EPHA5: variants seen among roughly 807,000 people sequenced by gnomAD.
EPHA5 encodes EPH receptor A5.
In EPHA5, 60 loss-of-function variants were observed where a neutral mutation model predicts 105.0. The ratio of observed to expected loss-of-function variants is 0.57; its 90% CI spans 0.46 to 0.71. EPHA5 has a LOEUF of 0.71. EPHA5 is among the 30% of genes least tolerant of loss of function. The pLI, the probability that EPHA5 is intolerant of heterozygous loss-of-function variation, is 0.00. For synonymous variants in EPHA5, 513 were observed against 449.1 expected (o/e 1.14, Z -1.80); for missense variants, 1,218 against 1,274.7 (o/e 0.96, Z 0.68).
intron 16 of EPHA5, chr4:65,331,480 G>T (rs1308530888): frequency 1.7e-5 from 18 of 1,050,148 alleles, no homozygotes; most frequent in Non-Finnish European, 2.1e-5. Flanking sequence ...AATGTAAGGT[G>T]CACCATTTAG....
chr4:65,374,891 C>T (rs889027092), intron 8 of EPHA5, among the ~76,000 whole-genome samples: 5 of 151,654 alleles, frequency 3.3e-5, no homozygotes, highest in African/African-American at 7.3e-5. Context: ...AATTAGATGA[C>T]GGGATTTCAG....
At chr4:65,552,336 T>C (rs1738002331) in intron 3 of EPHA5, among the ~76,000 whole-genome samples, 1 of 152,236 alleles carries the variant, frequency 6.6e-6, no homozygotes, top group Non-Finnish European at 1.5e-5. Context: ...TTATCCGTTA[T>C]TACTGCTAAG....
intron 6 of EPHA5, 141 bp from the exon 7 acceptor site, chr4:65,414,584 C>G (rs1723216803): frequency 2.3e-6 from 2 of 888,040 alleles, no homozygotes; most frequent in Non-Finnish European, 3.4e-6. Flanking sequence ...GAAAAAAATC[C>G]TACACATCCT....
At chr4:65,460,062 A>G (rs1405862147) in intron 5 of EPHA5, among the ~76,000 whole-genome samples, 2 of 151,728 alleles carry the variant, frequency 1.3e-5, no homozygotes, top group African/African-American at 4.8e-5. Flanking sequence ...AAAATAATGC[A>G]TTCTTGACCT....
chr4:65,327,339 C>T (rs923731713), intron 16 of EPHA5, among the ~76,000 whole-genome samples: 2 of 151,074 alleles, frequency 1.3e-5, no homozygotes, highest in Non-Finnish European at 3.0e-5. Flanking sequence ...ATCTGATTAT[C>T]CCTTGAGATG....
At chr4:65,647,505 G>C (rs1426721261) in intron 1 of EPHA5, among the ~76,000 whole-genome samples, 1 of 151,958 alleles carries the variant, frequency 6.6e-6, no homozygotes, top group South Asian at 2.1e-4. Context: ...GTTCTGAACA[G>C]TATATATGCT....
At chr4:65,509,012 A>G (rs1733341145) in intron 3 of EPHA5, among the ~76,000 whole-genome samples, 1 of 152,152 alleles carries the variant, frequency 6.6e-6, no homozygotes, top group Non-Finnish European at 1.5e-5. Flanking sequence ...GTGCAAATCT[A>G]TAAAATATTC....
chr4:65,422,926 A>G (rs1724073899), intron 5 of EPHA5, among the ~76,000 whole-genome samples: 2 of 152,094 alleles, frequency 1.3e-5, no homozygotes, highest in East Asian at 1.9e-4. Flanking sequence ...ATTAACAAAT[A>G]CTGGTAGATT....
chr4:65,419,227 T>C (rs1364188474), intron 6 of EPHA5, among the ~76,000 whole-genome samples: 7 of 151,832 alleles, frequency 4.6e-5, no homozygotes, highest in Admixed American at 4.0e-4. Context: ...TATATATAGT[T>C]GCACTTTTAA....
chr4:65,482,028 T>G (rs1730412813), intron 5 of EPHA5, among the ~76,000 whole-genome samples: 1 of 152,198 alleles, frequency 6.6e-6, no homozygotes, highest in Admixed American at 6.5e-5. Flanking sequence ...CTGGATGCAG[T>G]GGCTCATGCC....
At chr4:65,661,580 A>G (rs1355991407) in intron 1 of EPHA5, among the ~76,000 whole-genome samples, 2 of 152,192 alleles carry the variant, frequency 1.3e-5, no homozygotes, top group Non-Finnish European at 2.9e-5. Flanking sequence ...GTGAGATGAC[A>G]GTGCATTGTC....
chr4:65,599,904 TAATCTCATCGAC>T lies in EPHA5; in HGVS notation c.910+1725_910+1736del, dbSNP rs1185349058. Among the ~76,000 whole-genome samples, 7 of 152,282 alleles carry T rather than the reference TAATCTCATCGAC, an allele frequency of 4.6e-5. No individual in the cohort carries two copies. The East Asian group carries it at 9.7e-4, about 21-fold the overall frequency. ...TGTGACTATCACCAGCAGAATGTTT[TAATCTCATCGAC>T]AATCAAAATGCATCCTCGAAACATG... On this transcript the variant is annotated intron_variant, in intron 3 of 16. Transcript: ENST00000613740.
chr4:65,601,254 T>C (rs1273487388), intron 3 of EPHA5, among the ~76,000 whole-genome samples: 5 of 152,180 alleles, frequency 3.3e-5, no homozygotes, highest in Admixed American at 3.3e-4. Flanking sequence ...TGCATTTAAA[T>C]TTTATACAGC....
chr4:65,386,922 CT>C (rs1381657319), intron 8 of EPHA5, among the ~76,000 whole-genome samples: 1 of 151,592 alleles, frequency 6.6e-6, no homozygotes, highest in Non-Finnish European at 1.5e-5. Context: ...GGGCAATTGA[CT>C]TAACTCTGCC....
In EPHA5 at chr4:65,531,450, A is replaced by G. The variant is rs189061721; in HGVS notation, c.911-35907T>C. On this transcript the variant is annotated intron_variant, in intron 3 of 16. Transcript: ENST00000613740. The stretch of plus-strand genomic sequence containing the variant: ...GAGTTTCTTTAAGAATGAAAGCTAT[A>G]TACTGAGATGTCTTTGCAGAATGAC... Among the ~76,000 whole-genome samples the G allele has an allele frequency of 2.7e-5, 4 of 146,218 alleles. No homozygotes were observed. In the Admixed American group the frequency reaches 2.8e-4, roughly 10 times the overall value.
At chr4:65,383,216 G>GAT (rs200667733) in intron 8 of EPHA5, among the ~76,000 whole-genome samples, 3 of 111,896 alleles carry the variant, frequency 2.7e-5, no homozygotes, top group Admixed American at 8.9e-5. Flanking sequence ...ATGCATATAT[G>GAT]ATATACACAC....
intron 1 of EPHA5, among the ~76,000 whole-genome samples, chr4:65,653,441 A>C (rs1748782878): frequency 6.6e-6 from 1 of 152,136 alleles, no homozygotes; most frequent in South Asian, 2.1e-4. Context: ...ACAGACAAAA[A>C]TACTAACAAA....
chr4:65,623,159 A>T (rs1745850695), intron 2 of EPHA5, among the ~76,000 whole-genome samples: 1 of 152,100 alleles, frequency 6.6e-6, no homozygotes, highest in Admixed American at 6.6e-5. Flanking sequence ...TTAAGAAAAG[A>T]TGGGTTAGTA....
At chr4:65,524,090 T>C (rs1735014445) in intron 3 of EPHA5, among the ~76,000 whole-genome samples, 1 of 148,870 alleles carries the variant, frequency 6.7e-6, no homozygotes, top group Non-Finnish European at 1.5e-5. Context: ...TATACTTCAT[T>C]ATATTTTTTC....
Sources: allele counts gnomAD v4.1 joint callset (sites outside exome capture counted in the v4.1 genomes callset), GRCh38; gene constraint gnomAD v4.1.1; transcripts MANE v1.5; gene names NCBI Gene and HGNC (gene_info 2026-07-23, HGNC 2026-07-21).